CAMK2G: variants seen among roughly 807,000 people sequenced by gnomAD.
CAMK2G encodes the protein calcium/calmodulin-dependent protein kinase type II subunit gamma.
Under a neutral mutation model 88.7 loss-of-function variants are expected in CAMK2G, and 23 were observed. That is an observed-to-expected ratio of 0.26 (90% confidence interval 0.19 to 0.37). The LOEUF (loss-of-function observed/expected upper bound fraction) is 0.37, where lower values mean the gene tolerates loss of function less well. CAMK2G is among the 10% of genes least tolerant of loss of function. CAMK2G has a pLI of 1.00. For missense variants in CAMK2G, 476 were observed against 780.8 expected (o/e 0.61, Z 4.65); for synonymous variants, 263 against 294.8 (o/e 0.89, Z 1.11).
chr10:73,860,999 T>C lies in CAMK2G; in HGVS notation c.161-110A>G, dbSNP rs2664282. ...GTACTAACTATGCATTTGTGATGAT[T>C]TGCTGAAGTAATGCAGCAAGTCATG... On this transcript the variant is annotated intron_variant, in intron 2 of 22. Coordinates refer to ENST00000423381, the MANE Select transcript of CAMK2G (RefSeq NM_001367534.1). 0.47 allele frequency: 363,192 copies of C among 771,000 alleles called. 93,655 individuals are homozygous for C. Among genetic ancestry groups the C allele is most frequent in the Middle Eastern group, 0.63 (2,705 of 4,276 alleles). The allele number at this position is 771,000 out of a possible 1,614,324, so 47.8% of individuals were successfully genotyped here. A position where few individuals can be genotyped will look rare whatever the true frequency, so the allele number is the denominator to read the frequency against.
intron 2 of CAMK2G, among the ~76,000 whole-genome samples, chr10:73,871,633 C>G (rs1042684778): frequency 6.6e-6 from 1 of 152,158 alleles, no homozygotes; most frequent in African/African-American, 2.4e-5. Context: ...CCCCCACCCC[C>G]ACTCCAGGGT....
At chr10:73,816,226 C>T in intron 21 of CAMK2G, 1 of 987,532 alleles carries the variant, frequency 1.0e-6, no homozygotes. Flanking sequence ...GAATGTACAC[C>T]CCACCCCCTA....
Position 73,848,102 on chromosome 10 carries a change from G to A in CAMK2G, c.602-20C>T, listed in dbSNP as rs768030061. On this transcript the variant is annotated intron_variant, in intron 8 of 22. Transcript: ENST00000423381. The surrounding 1 kb of genome is among the most constrained non-coding windows in gnomAD (Gnocchi z 4.5). ...TGACCCCTACGAGACAGAACACACAGGTCATGGGGGTCAGTCGCCTACTTC... is the reference window on the plus strand; with the variant it reads ...TGACCCCTACGAGACAGAACACACAAGTCATGGGGGTCAGTCGCCTACTTC... The A allele has an allele frequency of 7.1e-7, 1 of 1,406,168 alleles. No individual in the cohort carries two copies. Among genetic ancestry groups the A allele is most frequent in the Non-Finnish European group, 1.0e-6 (1 of 991,138 alleles). The allele number at this position is 1,406,168 out of a possible 1,614,324, so 87.1% of individuals were successfully genotyped here. A position where few individuals can be genotyped will look rare whatever the true frequency, so the allele number is the denominator to read the frequency against.
intron 14 of CAMK2G, among the ~76,000 whole-genome samples, chr10:73,834,788 T>C (rs750605231): frequency 6.6e-6 from 1 of 152,328 alleles, no homozygotes; most frequent in East Asian, 1.9e-4. Context: ...GGGCTAATCT[T>C]ACATGGCTGC....
chr10:73,874,423 G>A lies in CAMK2G; in HGVS notation c.39C>T (p.Asp13=), dbSNP rs1476317095. 1.3e-6 allele frequency: 2 copies of A among 1,520,492 alleles called. No homozygotes were observed. Among genetic ancestry groups the A allele is most frequent in the Admixed American group, 3.7e-5 (2 of 54,378 alleles). 94.2% of individuals were successfully genotyped at this position (1,520,492 alleles called of 1,614,324 possible). A position where few individuals can be genotyped will look rare whatever the true frequency, so the allele number is the denominator to read the frequency against. The change falls in exon 1 of 23, where the codon GAC becomes GAT. Residue 13 remains aspartate, a synonymous_variant. Transcript: ENST00000423381. ...TTATCTRFTD[D]YQLFEELGKG... ...TGCCAAGCTCCTCGAAGAGCTGGTAGTCGTCGGTGAAACGGGTGCAGGTGG... is the reference window on the plus strand; with the variant it reads ...TGCCAAGCTCCTCGAAGAGCTGGTAATCGTCGGTGAAACGGGTGCAGGTGG...
chr10:73,823,054 G>T (rs2089592867), intron 17 of CAMK2G, among the ~76,000 whole-genome samples: 1 of 151,960 alleles, frequency 6.6e-6, no homozygotes, highest in Non-Finnish European at 1.5e-5. Context: ...TAGAGATGGG[G>T]TTTTGCCATG....
At chr10:73,860,977 C>T (rs1454265378) in intron 2 of CAMK2G, 88 bp from the exon 3 acceptor site, 3 of 898,584 alleles carry the variant, frequency 3.3e-6, no homozygotes, top group Non-Finnish European at 3.7e-6. Context: ...AGTTCAGGTA[C>T]TAACTATGCA....
intron 14 of CAMK2G, among the ~76,000 whole-genome samples, chr10:73,829,234 CTAAA>C (rs1478991333): frequency 1.3e-5 from 2 of 151,874 alleles, no homozygotes; most frequent in African/African-American, 4.8e-5. Context: ...AAAGAAAAAC[CTAAA>C]TATAGTTAGG....
intron 10 of CAMK2G, among the ~76,000 whole-genome samples, chr10:73,844,852 G>A (rs1230439425): frequency 6.6e-6 from 1 of 152,114 alleles, no homozygotes; most frequent in African/African-American, 2.4e-5. Flanking sequence ...GTGAAATGAT[G>A]AAACAATGGC....
chr10:73,826,506 T>C (rs2090997511), intron 15 of CAMK2G, among the ~76,000 whole-genome samples: 1 of 151,938 alleles, frequency 6.6e-6, no homozygotes, highest in African/African-American at 2.4e-5. Context: ...AAGGGGAAGA[T>C]GGAAGAAAGG....
At chr10:73,827,015 G>A (rs1218250187) in intron 15 of CAMK2G, among the ~76,000 whole-genome samples, 1 of 152,198 alleles carries the variant, frequency 6.6e-6, no homozygotes, top group Non-Finnish European at 1.5e-5. Flanking sequence ...TTCCCACCAA[G>A]AAGCAAAGCC....
chr10:73,815,268 G>A, intron 21 of CAMK2G, 21 bp from the exon 22 acceptor site: 1 of 1,541,334 alleles, frequency 6.5e-7, no homozygotes, highest in Non-Finnish European at 9.0e-7. Context: ...GGGTGGGGTA[G>A]GTAAGAGGAC....
chr10:73,869,246 T>C (rs1170122582), intron 2 of CAMK2G, among the ~76,000 whole-genome samples: 1 of 152,222 alleles, frequency 6.6e-6, no homozygotes, highest in Admixed American at 6.5e-5. Flanking sequence ...AGTCTGTATT[T>C]TTTAAACTAG....
At position 73,812,856 on chromosome 10, in the gene CAMK2G, G is replaced by A. The variant is rs2084535765; in HGVS notation, c.*1662C>T. On this transcript the variant is annotated 3_prime_UTR_variant, in exon 23 of 23. Transcript: ENST00000423381. ...TTGCGTGCTGGCACTGCAGACTGCA[G>A]GGCAGGAAAGGGCTAGGGCCCAGGG... The A allele has an allele frequency of 6.5e-6, 1 of 152,738 alleles. No homozygotes were observed. The highest frequency in any genetic ancestry group is 2.4e-5 in the African/African-American group (1 of 41,480). The allele number at this position is 152,738 out of a possible 1,614,324, so 9.5% of individuals were successfully genotyped here. A position where few individuals can be genotyped will look rare whatever the true frequency, so the allele number is the denominator to read the frequency against.
chr10:73,840,407 T>G (rs1395464264), intron 12 of CAMK2G, among the ~76,000 whole-genome samples: 1 of 152,174 alleles, frequency 6.6e-6, no homozygotes, highest in Admixed American at 6.5e-5. Context: ...CAGGTGCCCT[T>G]CCTTCTTGAT....
chr10:73,866,172 C>T (rs907493236), intron 2 of CAMK2G, among the ~76,000 whole-genome samples: 4 of 152,170 alleles, frequency 2.6e-5, no homozygotes, highest in African/African-American at 9.7e-5. Context: ...CCGCCTTCTG[C>T]CCAAGTGCTT....
intron 2 of CAMK2G, among the ~76,000 whole-genome samples, chr10:73,861,746 T>C (rs1374099479): frequency 1.3e-5 from 2 of 152,234 alleles, no homozygotes; most frequent in African/African-American, 4.8e-5. Flanking sequence ...GTTTTGCATA[T>C]ATTCTCTACA....
At chr10:73,831,532 T>A in intron 14 of CAMK2G, among the ~76,000 whole-genome samples, 1 of 107,844 alleles carries the variant, frequency 9.3e-6, no homozygotes. Context: ...TGAGACTCCG[T>A]CTAAAAAAAA....
chr10:73,874,535 G>T lies in CAMK2G; in HGVS notation c.-74C>A. Reference sequence around the variant, plus strand: ...CACAGTCACCGCCGCCCGGCCGAGGGAGCAAGAGGAGGAGACGGGGCTGAG... The same window carrying T: ...CACAGTCACCGCCGCCCGGCCGAGGTAGCAAGAGGAGGAGACGGGGCTGAG... On this transcript the variant is annotated 5_prime_UTR_variant, in exon 1 of 23. Transcript: ENST00000423381. The T allele has an allele frequency of 9.3e-7, 1 of 1,069,842 alleles. No individual in the cohort carries two copies. Among genetic ancestry groups the T allele is most frequent in the Non-Finnish European group, 1.3e-6 (1 of 782,650 alleles). 66.3% of individuals were successfully genotyped at this position (1,069,842 alleles called of 1,614,324 possible).
Sources: allele counts gnomAD v4.1 joint callset (sites outside exome capture counted in the v4.1 genomes callset), GRCh38; gene constraint gnomAD v4.1.1; non-coding constraint Gnocchi (gnomAD v3.1); transcripts MANE v1.5; gene names NCBI Gene and HGNC (gene_info 2026-07-23, HGNC 2026-07-21).